IQGAP1: variants seen among roughly 807,000 people sequenced by gnomAD.
IQGAP1 encodes the protein ras GTPase-activating-like protein IQGAP1.
IQGAP1 carries 66 observed loss-of-function variants against 215.6 expected under a neutral mutation model. The observed-to-expected ratio is 0.31, with a 90% CI of 0.25 to 0.38. The LOEUF is 0.38. Among genes scored for constraint, IQGAP1 ranks in the 10% least tolerant of loss-of-function variants. The pLI is 1.00. For missense variants in IQGAP1, 1,712 were observed against 1,997.1 expected, an observed-to-expected ratio of 0.86 and a Z score of 2.72; for synonymous variants, 772 against 728.7, an observed-to-expected ratio of 1.06 and a Z score of -0.96.
intron 37 of IQGAP1, 129 bp from the exon 38 acceptor site, chr15:90,499,866 C>T: frequency 1.6e-6 from 1 of 616,652 alleles, no homozygotes; most frequent in South Asian, 2.0e-5. Flanking sequence ...CGCCCCAGTT[C>T]ACATCTGGCA....
At chr15:90,433,668 G>C (rs1567124822) in intron 4 of IQGAP1, 51 bp from the exon 5 acceptor site, 1 of 1,076,956 alleles carries the variant, frequency 9.3e-7, no homozygotes, top group Non-Finnish European at 1.4e-6. Flanking sequence ...GTGAATGTCA[G>C]ATGAACACAG....
chr15:90,473,497 A>G, intron 19 of IQGAP1: 1 of 539,560 alleles, frequency 1.9e-6, no homozygotes, highest in East Asian at 3.3e-5. Context: ...AAAGGTGTGC[A>G]GGGCTGTGCT....
chr15:90,490,708 A>T (rs968806482), intron 33 of IQGAP1, among the ~76,000 whole-genome samples: 1 of 152,174 alleles, frequency 6.6e-6, no homozygotes, highest in African/African-American at 2.4e-5. Context: ...GTGGTAGAGA[A>T]AAATGACTTT....
chr15:90,388,324 G>T lies in IQGAP1; in HGVS notation c.-18G>T. On this transcript the variant is annotated 5_prime_UTR_variant, in exon 1 of 38. Transcript: ENST00000268182. ...AAGGTTTCACGGCTTCCTCAGCAGAGACTCGGGCTCGTCCGCCATGTCCGC... is the reference window on the plus strand; with the variant it reads ...AAGGTTTCACGGCTTCCTCAGCAGATACTCGGGCTCGTCCGCCATGTCCGC... The T allele has an allele frequency of 2.5e-6, 4 of 1,596,372 alleles. No individual in the cohort carries two copies. The highest frequency in any genetic ancestry group is 3.4e-6 in the Non-Finnish European group (4 of 1,173,100).
At chr15:90,498,495 A>C (rs369126288) in intron 37 of IQGAP1, among the ~76,000 whole-genome samples, 2 of 152,174 alleles carry the variant, frequency 1.3e-5, no homozygotes, top group Non-Finnish European at 2.9e-5. Context: ...TGTTAGGCCA[A>C]CCAGTCTGCC....
At chr15:90,409,104 A>C (rs1191204457) in intron 2 of IQGAP1, among the ~76,000 whole-genome samples, 1 of 151,836 alleles carries the variant, frequency 6.6e-6, no homozygotes, top group Non-Finnish European at 1.5e-5. Flanking sequence ...TATAACTTGC[A>C]CTTTTTTTCC....
At position 90,448,552 on chromosome 15, in the gene IQGAP1, G is replaced by A. The variant is rs753613354; in HGVS notation, c.914-21G>A. 5.8e-6 allele frequency: 9 copies of A among 1,552,250 alleles called. No individual in the cohort carries two copies. In the South Asian group the frequency reaches 7.2e-5, roughly 12 times the overall value. On this transcript the variant is annotated intron_variant, in intron 9 of 37. Coordinates refer to ENST00000268182, the MANE Select transcript of IQGAP1 (RefSeq NM_003870.4). ...TTCTGTTAACATAGTCCTTTCACAA[G>A]CTTTTGCCTTTTTTCCTCAGCATTT...
In IQGAP1 at chr15:90,427,326, G is replaced by A. The variant is rs148190396; in HGVS notation, c.312+1060G>A. On this transcript the variant is annotated intron_variant, in intron 3 of 37. Transcript: ENST00000268182. ...ACTTCATGAAAAAACATCACCCTGC[G>A]TTGCTGGAGTTCAAGGTACAATGGG... Among the ~76,000 whole-genome samples the A allele has an allele frequency of 1.7e-3, 255 of 152,284 alleles. 5 individuals carry two copies. The East Asian group carries it at 0.034, about 20-fold the overall frequency.
rs903687649 is a variant in IQGAP1, at chr15:90,473,891, C to T, written c.2434-5C>T. 1 of 1,613,708 alleles carries T rather than the reference C, an allele frequency of 6.2e-7. No homozygotes were observed. Among genetic ancestry groups the T allele is most frequent in the African/African-American group, 1.3e-5 (1 of 74,910 alleles). ...CTTCTAATTTCCAGGATCCCTTTTC[C>T]ACAGATTCAGTCCCTGGCAAGGATG... On this transcript the variant is annotated splice_polypyrimidine_tract_variant and splice_region_variant and intron_variant, in intron 20 of 37. Transcript: ENST00000268182.
intron 2 of IQGAP1, among the ~76,000 whole-genome samples, chr15:90,402,021 A>T (rs1254278243): frequency 1.3e-5 from 2 of 152,204 alleles, no homozygotes; most frequent in East Asian, 3.8e-4. Flanking sequence ...GCAGATGCTG[A>T]AGTGGCAACA....
chr15:90,494,920 C>T, intron 36 of IQGAP1, 85 bp downstream of exon 36: 1 of 948,384 alleles, frequency 1.1e-6, no homozygotes. Context: ...TTTCTCTTTT[C>T]TGGATGGTTA....
At position 90,481,969 on chromosome 15, in the gene IQGAP1, C is replaced by G; in HGVS notation, c.3339C>G (p.Pro1113=). ...ESQTGEASKL[P]YDVTPEQALA... ...ATTTCTGTCTTCCCAGCAAACTGCC[C>G]TATGATGTGACCCCTGAGCAGGCGC... Residue 1113 remains proline, a synonymous_variant, in exon 27 of 38, where the codon CCC becomes CCG. Transcript: ENST00000268182. The G allele has an allele frequency of 6.2e-7, 1 of 1,614,206 alleles. No homozygotes were observed.
At chr15:90,449,526 TA>T in intron 10 of IQGAP1, 32 bp from the exon 11 acceptor site, 1 of 1,561,816 alleles carries the variant, frequency 6.4e-7, no homozygotes. Flanking sequence ...TAGGAATGAG[TA>T]ATCTTTACAT....
chr15:90,473,625 C>T lies in IQGAP1; in HGVS notation c.2350-90C>T, dbSNP rs546033826. 47 of 901,348 alleles carry T rather than the reference C, an allele frequency of 5.2e-5. 1 individual carries two copies. The South Asian group carries it at 6.9e-4, about 13-fold the overall frequency. 55.8% of individuals were successfully genotyped at this position (901,348 alleles called of 1,614,324 possible). A position where few individuals can be genotyped will look rare whatever the true frequency, so the allele number is the denominator to read the frequency against. The stretch of plus-strand genomic sequence containing the variant: ...CCTAAAACTTCATCATGAAATTGCA[C>T]TTGGATCATGTATCAAGATGAAAGT... On this transcript the variant is annotated intron_variant, in intron 19 of 37. Transcript: ENST00000268182.
At chr15:90,468,331 C>T (rs1965859948) in intron 18 of IQGAP1, among the ~76,000 whole-genome samples, 1 of 152,150 alleles carries the variant, frequency 6.6e-6, no homozygotes, top group Admixed American at 6.5e-5. Flanking sequence ...TCCCAAAGTA[C>T]TGGGATTACA....
intron 15 of IQGAP1, among the ~76,000 whole-genome samples, chr15:90,459,666 G>T (rs1474243850): frequency 2.0e-5 from 3 of 152,126 alleles, no homozygotes; most frequent in Non-Finnish European, 4.4e-5. Flanking sequence ...ACATTGGGTG[G>T]AATTGTTTTT....
intron 25 of IQGAP1, 42 bp from the exon 26 acceptor site, chr15:90,477,623 G>A (rs748618938): frequency 7.3e-7 from 1 of 1,373,538 alleles, no homozygotes; most frequent in Non-Finnish European, 1.0e-6. Flanking sequence ...TTAAGTTGAT[G>A]GGTTTTGTGA....
At chr15:90,419,145 A>G (rs1965096774) in intron 2 of IQGAP1, among the ~76,000 whole-genome samples, 1 of 152,008 alleles carries the variant, frequency 6.6e-6, no homozygotes, top group Non-Finnish European at 1.5e-5. Flanking sequence ...AAAAAGAAAA[A>G]AAAAAAAAAA....
chr15:90,492,467 T>G, intron 34 of IQGAP1, 78 bp from the exon 35 acceptor site: 1 of 1,062,932 alleles, frequency 9.4e-7, no homozygotes, highest in Non-Finnish European at 1.3e-6. Flanking sequence ...TAAGGCAGAG[T>G]TAAGCATTGC....
Sources: allele counts gnomAD v4.1 joint callset (sites outside exome capture counted in the v4.1 genomes callset), GRCh38; gene constraint gnomAD v4.1.1; transcripts MANE v1.5; gene names NCBI Gene and HGNC (gene_info 2026-07-23, HGNC 2026-07-21).